Variants in FCGRT observed in about 807,000 individuals in gnomAD.
FCGRT encodes the protein Fc gamma receptor and transporter.
Under a neutral mutation model 35.7 loss-of-function variants are expected in FCGRT, and 13 were observed. The ratio of observed to expected loss-of-function variants is 0.36; its 90% CI spans 0.24 to 0.58. The LOEUF is 0.58. Ranked by LOEUF, FCGRT falls within the 20% of genes least tolerant of loss-of-function variation. FCGRT has a pLI of 0.77. For missense variants in FCGRT, 455 were observed against 474.9 expected (o/e 0.96, Z 0.39); for synonymous variants, 233 against 216.5 (o/e 1.08, Z -0.67).
At chr19:49,513,846 C>A in intron 2 of FCGRT, 36 bp from the exon 3 acceptor site, 1 of 1,547,538 alleles carries the variant, frequency 6.5e-7, no homozygotes, top group Non-Finnish European at 8.7e-7. Context: ...TAGTTCCCCG[C>A]CCGTGTGCTC....
intron 4 of FCGRT, among the ~76,000 whole-genome samples, chr19:49,517,724 TCTCA>T (rs1393424675): frequency 2.0e-5 from 3 of 152,024 alleles, no homozygotes; most frequent in Non-Finnish European, 4.4e-5. Flanking sequence ...TGAGATGGAG[TCTCA>T]CTCTGTCATG....
At chr19:49,525,663 AGG>A in intron 6 of FCGRT, 90 bp downstream of exon 6, 1 of 851,586 alleles carries the variant, frequency 1.2e-6, no homozygotes, top group Non-Finnish European at 1.9e-6. Context: ...AGACCCAGAG[AGG>A]GGGGACAGAG....
At chr19:49,513,354 T>TGGGGGG in intron 1 of FCGRT, 33 bp from the exon 2 acceptor site, 3 of 380,722 alleles carry the variant, frequency 7.9e-6, no homozygotes, top group Non-Finnish European at 7.6e-6. Context: ...GGGCCGGGGG[T>TGGGGGG]CGGGAGGAGT....
At chr19:49,518,489 C>T (rs1032965926) in intron 4 of FCGRT, among the ~76,000 whole-genome samples, 1 of 151,996 alleles carries the variant, frequency 6.6e-6, no homozygotes, top group Non-Finnish European at 1.5e-5. Context: ...CTTCAGCCTC[C>T]CCAGTAGGTA....
At chr19:49,516,165 C>G in intron 4 of FCGRT, 2 of 454,740 alleles carry the variant, frequency 4.4e-6, no homozygotes, top group Non-Finnish European at 8.8e-6. Flanking sequence ...ATATTCATTC[C>G]AAGTGCCACA....
chr19:49,523,583 A>T (rs1468594834), intron 4 of FCGRT, among the ~76,000 whole-genome samples: 1 of 150,172 alleles, frequency 6.7e-6, no homozygotes, highest in Admixed American at 6.7e-5. Context: ...ACAAAAGGCT[A>T]GGCGTGGTGG....
intron 4 of FCGRT, among the ~76,000 whole-genome samples, chr19:49,517,146 A>G (rs147185659): frequency 2.2e-3 from 329 of 152,154 alleles, no homozygotes; most frequent in African/African-American, 7.4e-3. Flanking sequence ...AACTGATTGC[A>G]ACTCTGCACT....
In FCGRT at chr19:49,524,752, G is replaced by T; in HGVS notation, c.847G>T (p.Ala283Ser). The change falls in exon 5 of 7, where the codon GCG (alanine) becomes TCG (serine). Residue 283 changes from alanine to serine, a missense_variant. Transcript: ENST00000221466. ...CTGCATTGTGCAGCACGCGGGGCTG[G>T]CGCAGCCCCTCAGGGTGGAGCTGGG... ...YCCIVQHAGL[A>S]QPLRVELESP... 1 of 1,600,758 alleles carries T rather than the reference G, an allele frequency of 6.2e-7. No individual in the cohort carries two copies.
In FCGRT at chr19:49,525,711, G is replaced by A; in HGVS notation, c.988+138G>A. 5.9e-6 allele frequency: 4 copies of A among 678,794 alleles called. No homozygotes were observed. The South Asian group carries it at 6.8e-5, about 12-fold the overall frequency. 42.0% of individuals were successfully genotyped at this position (678,794 alleles called of 1,614,324 possible). A position where few individuals can be genotyped will look rare whatever the true frequency, so the allele number is the denominator to read the frequency against. ...GGTGGAGACAGAAACCCAGAGATGG[G>A]AGAACAGAGGTGCAGAGAGAGGGGG... On this transcript the variant is annotated intron_variant, in intron 6 of 6. Coordinates refer to ENST00000221466, the MANE Select transcript of FCGRT (RefSeq NM_001136019.3).
chr19:49,517,566 G>GCA (rs2080015611), intron 4 of FCGRT, among the ~76,000 whole-genome samples: 7 of 151,182 alleles, frequency 4.6e-5, no homozygotes, highest in African/African-American at 1.5e-4. Flanking sequence ...GGAAGGAAGC[G>GCA]AGCATCCCAT....
At chr19:49,514,593 G>T in intron 4 of FCGRT, 107 bp downstream of exon 4, 1 of 1,101,428 alleles carries the variant, frequency 9.1e-7, no homozygotes, top group South Asian at 1.7e-5. Flanking sequence ...TGCAGCCCAC[G>T]CTCTGCCCCC....
rs888152111 is a variant in FCGRT, at chr19:49,514,523, C to G, written c.601+37C>G. On this transcript the variant is annotated intron_variant, in intron 4 of 6. Coordinates refer to ENST00000221466, the MANE Select transcript of FCGRT (RefSeq NM_001136019.3). ...CTGCAGCCGCAGGCTGTTCTGTCCT[C>G]TCTCCCGTCATGCCCACCTGCCTCA... The G allele has an allele frequency of 4.0e-6, 6 of 1,510,136 alleles. No homozygotes were observed. The Admixed American group carries it at 8.7e-5, about 22-fold the overall frequency. 93.5% of individuals were successfully genotyped at this position (1,510,136 alleles called of 1,614,324 possible).
intron 4 of FCGRT, 128 bp from the exon 5 acceptor site, chr19:49,524,379 C>T (rs1056584772): frequency 1.9e-6 from 2 of 1,051,944 alleles, no homozygotes; most frequent in Non-Finnish European, 2.8e-6. Flanking sequence ...GAAGTGCCTC[C>T]CCTTTTACCA....
At chr19:49,524,439 C>T in intron 4 of FCGRT, 68 bp from the exon 5 acceptor site, 1 of 1,528,866 alleles carries the variant, frequency 6.5e-7, no homozygotes. Context: ...CTCTTTCTGT[C>T]CCTATCCAGC....
chr19:49,517,116 AG>A (rs2080012150), intron 4 of FCGRT, among the ~76,000 whole-genome samples: 2 of 152,082 alleles, frequency 1.3e-5, no homozygotes, highest in South Asian at 4.1e-4. Context: ...GCTTGAGCTC[AG>A]GAGTTTGAGG....
At chr19:49,525,104 T>C (rs920449823) in intron 5 of FCGRT, 1 of 549,828 alleles carries the variant, frequency 1.8e-6, no homozygotes, top group Non-Finnish European at 3.4e-6. Flanking sequence ...CCATTCGTTG[T>C]CTGCTATGCC....
At chr19:49,525,865 T>G in intron 6 of FCGRT, 145 bp from the exon 7 acceptor site, 1 of 741,000 alleles carries the variant, frequency 1.3e-6, no homozygotes, top group Non-Finnish European at 2.4e-6. Context: ...GACGGAAAAT[T>G]GGGAGAAGGG....
At chr19:49,525,627 A>G (rs982258593) in intron 6 of FCGRT, 54 bp downstream of exon 6, 33 of 1,240,490 alleles carry the variant, frequency 2.7e-5, no homozygotes, top group Non-Finnish European at 3.6e-5. Context: ...ACCCCAAGAG[A>G]GGGGCACACA....
At chr19:49,524,179 G>A (rs1042673118) in intron 4 of FCGRT, among the ~76,000 whole-genome samples, 1 of 151,852 alleles carries the variant, frequency 6.6e-6, no homozygotes, top group African/African-American at 2.4e-5. Context: ...GCTAATTTTT[G>A]TATTTTTAGT....
Sources: gnomAD v4.1 joint callset for allele counts (sites outside exome capture counted in the v4.1 genomes callset) on GRCh38, gnomAD v4.1.1 for gene constraint, MANE v1.5 for transcripts, NCBI Gene and HGNC (gene_info 2026-07-23, HGNC 2026-07-21) for gene names.